Variants in SPAST observed in about 807,000 individuals in gnomAD.
SPAST encodes spastic paraplegia 4 (autosomal dominant; spastin).
In SPAST, 30 loss-of-function variants were observed where a neutral mutation model predicts 76.6. The ratio of observed to expected loss-of-function variants is 0.39; its 90% CI spans 0.29 to 0.53. The LOEUF (loss-of-function observed/expected upper bound fraction) is 0.53, where lower values mean the gene tolerates loss of function less well. Among genes scored for constraint, SPAST ranks in the 20% least tolerant of loss-of-function variants. SPAST has a pLI of 0.68. For synonymous variants in SPAST, 305 were observed against 281.0 expected (o/e 1.09, Z -0.86); for missense variants, 717 against 770.5 (o/e 0.93, Z 0.82).
At chr2:32,086,003 C>G (rs942224206) in intron 1 of SPAST, among the ~76,000 whole-genome samples, 21 of 151,916 alleles carry the variant, frequency 1.4e-4, no homozygotes, top group Non-Finnish European at 2.5e-4. Context: ...GATCGTGCCA[C>G]TGCACTGCAG....
At chr2:32,105,244 C>T (rs997229664) in intron 4 of SPAST, among the ~76,000 whole-genome samples, 10 of 152,260 alleles carry the variant, frequency 6.6e-5, no homozygotes, top group East Asian at 3.9e-4. Context: ...TTGATCGAAT[C>T]GGCTACTGAA....
At chr2:32,133,511 A>G (rs1183559691) in intron 9 of SPAST, among the ~76,000 whole-genome samples, 1 of 152,190 alleles carries the variant, frequency 6.6e-6, no homozygotes, top group African/African-American at 2.4e-5. Context: ...TTTTGTGTGT[A>G]TGTGTATTTG....
intron 1 of SPAST, among the ~76,000 whole-genome samples, chr2:32,066,752 T>C (rs1156467393): frequency 6.6e-6 from 1 of 151,892 alleles, no homozygotes; most frequent in Non-Finnish European, 1.5e-5. Context: ...GGTGGGTGGA[T>C]TGCTTGAGCC....
At chr2:32,089,321 G>A (rs1677618427) in intron 2 of SPAST, among the ~76,000 whole-genome samples, 1 of 150,350 alleles carries the variant, frequency 6.7e-6, no homozygotes, top group African/African-American at 2.4e-5. Flanking sequence ...ACAGAAGTGA[G>A]CCACAACACC....
chr2:32,104,860 C>T (rs1678259127), intron 4 of SPAST, among the ~76,000 whole-genome samples: 1 of 152,162 alleles, frequency 6.6e-6, no homozygotes, highest in South Asian at 2.1e-4. Flanking sequence ...GGTAACCCGA[C>T]CTTTCTCTCT....
Position 32,157,287 on chromosome 2 carries a change from T to C in SPAST, c.*2791T>C, listed in dbSNP as rs959479974. 3.3e-5 allele frequency: 5 copies of C among 152,768 alleles called. No individual in the cohort carries two copies. In the East Asian group the frequency reaches 7.7e-4, roughly 24 times the overall value. The allele number at this position is 152,768 out of a possible 1,614,324, so 9.5% of individuals were successfully genotyped here. A position where few individuals can be genotyped will look rare whatever the true frequency, so the allele number is the denominator to read the frequency against. On this transcript the variant is annotated 3_prime_UTR_variant, in exon 17 of 17. Coordinates refer to ENST00000315285, the MANE Select transcript of SPAST (RefSeq NM_014946.4). ...CAGATATCTTAAGGGTAAAAGCTTATTCTAAGACAGTCTGTCCATTGAGAA... is the reference window on the plus strand; with the variant it reads ...CAGATATCTTAAGGGTAAAAGCTTACTCTAAGACAGTCTGTCCATTGAGAA...
chr2:32,117,145 C>T (rs905904900), intron 7 of SPAST, among the ~76,000 whole-genome samples: 34 of 151,138 alleles, frequency 2.2e-4, no homozygotes, highest in African/African-American at 7.3e-4. Context: ...CCCAGCTACT[C>T]GGGATGCTGA....
chr2:32,136,425 C>T, intron 9 of SPAST, 138 bp from the exon 10 acceptor site: 2 of 695,782 alleles, frequency 2.9e-6, no homozygotes, highest in South Asian at 3.1e-5. Context: ...GTAGTACTCT[C>T]CCCTTTCTCA....
intron 14 of SPAST, among the ~76,000 whole-genome samples, chr2:32,144,299 C>T (rs186715019): frequency 3.3e-5 from 5 of 152,282 alleles, no homozygotes; most frequent in Admixed American, 1.3e-4. Context: ...CCAAGATAAA[C>T]GCTAATTAGA....
chr2:32,152,525 C>T (rs1680122567), intron 16 of SPAST, among the ~76,000 whole-genome samples: 1 of 152,126 alleles, frequency 6.6e-6, no homozygotes. Flanking sequence ...CCACTGCACT[C>T]CAGCCTGGGT....
At chr2:32,092,345 C>T (rs1178198911) in intron 3 of SPAST, among the ~76,000 whole-genome samples, 1 of 152,056 alleles carries the variant, frequency 6.6e-6, no homozygotes, top group African/African-American at 2.4e-5. Flanking sequence ...GTACTTTCTA[C>T]GTGTTTTATC....
At chr2:32,064,284 GAAGAAGGC>G in intron 1 of SPAST, 38 bp downstream of exon 1, 2 of 588,998 alleles carry the variant, frequency 3.4e-6, no homozygotes, top group Non-Finnish European at 5.5e-6. Context: ...GCGGCGCCGG[GAAGAAGGC>G]GGTGGGGTCG....
chr2:32,149,631 T>C (rs1258526923), intron 16 of SPAST, among the ~76,000 whole-genome samples: 2 of 152,220 alleles, frequency 1.3e-5, no homozygotes, highest in Non-Finnish European at 2.9e-5. Flanking sequence ...AGCATCTGTG[T>C]TGAACATGTA....
chr2:32,067,011 T>G (rs1676547757), intron 1 of SPAST, among the ~76,000 whole-genome samples: 4 of 148,098 alleles, frequency 2.7e-5, no homozygotes, highest in Non-Finnish European at 3.0e-5. Context: ...AAAAAAACTG[T>G]TTTAATTGTT....
At chr2:32,071,661 A>C (rs956027460) in intron 1 of SPAST, among the ~76,000 whole-genome samples, 6 of 152,192 alleles carry the variant, frequency 3.9e-5, no homozygotes, top group Admixed American at 1.3e-4. Flanking sequence ...GAAAACTAGA[A>C]GTTGGGGAGG....
At chr2:32,119,648 G>A (rs116456066) in intron 7 of SPAST, among the ~76,000 whole-genome samples, 3,431 of 152,166 alleles carry the variant, frequency 0.023, 59 homozygotes, top group Non-Finnish European at 0.036. Flanking sequence ...GTTTTTAATT[G>A]TAGTTTAACA....
At chr2:32,126,410 AAT>A (rs1450330713) in intron 7 of SPAST, 2 of 150,996 alleles carry the variant, frequency 1.3e-5, no homozygotes, top group Admixed American at 6.6e-5. Context: ...GCCTATGTTC[AAT>A]ATGTCTTGTT....
chr2:32,077,378 CAGG>C (rs1332126276), intron 1 of SPAST, among the ~76,000 whole-genome samples: 1 of 152,066 alleles, frequency 6.6e-6, no homozygotes, highest in Non-Finnish European at 1.5e-5. Flanking sequence ...GCACACAGTT[CAGG>C]AGAAGGAGGA....
rs562220350 is a variant in SPAST, at chr2:32,134,277, C to T, written c.1246-2286C>T. 1.4e-4 allele frequency among the ~76,000 whole-genome samples: 22 copies of T among 152,028 alleles called. No homozygotes were observed. In the South Asian group the frequency reaches 1.5e-3, roughly 10 times the overall value. On this transcript the variant is annotated intron_variant, in intron 9 of 16. Transcript: ENST00000315285. ...CAGCACTTTGGGAGGCCGAGGCAGGCGAATCACAAGGTCAGGAGTTCGAGA... is the reference window on the plus strand; with the variant it reads ...CAGCACTTTGGGAGGCCGAGGCAGGTGAATCACAAGGTCAGGAGTTCGAGA...
Sources: gnomAD v4.1 joint callset for allele counts (sites outside exome capture counted in the v4.1 genomes callset) on GRCh38, gnomAD v4.1.1 for gene constraint, MANE v1.5 for transcripts, NCBI Gene and HGNC (gene_info 2026-07-23, HGNC 2026-07-21) for gene names.